RTL4: variants seen among roughly 807,000 people sequenced by gnomAD.
The protein encoded by RTL4 is retrotransposon Gag-like protein 4.
In RTL4, 4 loss-of-function variants were observed where a neutral mutation model predicts 5.3. The observed-to-expected ratio is 0.75, with a 90% confidence interval of 0.37 to 1.72. The LOEUF (loss-of-function observed/expected upper bound fraction) is 1.72, where lower values mean the gene tolerates loss of function less well. Among genes scored for constraint, RTL4 ranks in the 40% most tolerant of loss-of-function variants. The pLI, the probability that RTL4 is intolerant of heterozygous loss-of-function variation, is 0.04. For missense variants in RTL4, 260 were observed against 227.1 expected (o/e 1.14, Z -0.93); for synonymous variants, 98 against 87.3 (o/e 1.12, Z -0.68).
the RTL4 span, among the ~76,000 whole-genome samples, chrX:112,329,380 C>T: frequency 9.8e-5 from 11 of 111,693 alleles, no homozygotes; most frequent in East Asian, 2.2e-3. Context: ...ACTACAAATA[C>T]CTCTACGCAA....
chrX:112,407,804 G>A, the RTL4 span, among the ~76,000 whole-genome samples: 2 of 112,761 alleles, frequency 1.8e-5, no homozygotes, highest in Non-Finnish European at 3.7e-5. Context: ...AGCTCAGAAC[G>A]GACAGAGAGA....
the RTL4 span, among the ~76,000 whole-genome samples, chrX:112,272,082 T>C: frequency 1.8e-5 from 2 of 111,987 alleles, no homozygotes; most frequent in Admixed American, 1.9e-4. Context: ...TACAATACTG[T>C]ATTATTAACT....
chrX:112,312,179 G>T, the RTL4 span, among the ~76,000 whole-genome samples: 1 of 111,544 alleles, frequency 9.0e-6, no homozygotes, highest in Non-Finnish European at 1.9e-5. Flanking sequence ...GACAGATTTA[G>T]CTTTGAATTA....
the RTL4 span, among the ~76,000 whole-genome samples, chrX:112,314,063 T>C: frequency 9.0e-6 from 1 of 111,608 alleles, no homozygotes; most frequent in Non-Finnish European, 1.9e-5. Flanking sequence ...ATGCTCATCA[T>C]CATTGTATAG....
the RTL4 span, among the ~76,000 whole-genome samples, chrX:112,249,879 T>G: frequency 9.1e-6 from 1 of 109,518 alleles, no homozygotes; most frequent in African/African-American, 3.3e-5. Flanking sequence ...AAAACAGAGA[T>G]AAGTATTCTT....
chrX:112,253,986 C>G, the RTL4 span, among the ~76,000 whole-genome samples: 1 of 112,268 alleles, frequency 8.9e-6, no homozygotes, highest in East Asian at 2.8e-4. Flanking sequence ...TCCCCACTTA[C>G]CCTTGCTGTA....
chrX:112,360,527 A>G, the RTL4 span, among the ~76,000 whole-genome samples: 1 of 110,961 alleles, frequency 9.0e-6, no homozygotes, highest in Non-Finnish European at 1.9e-5. Flanking sequence ...CTTTCAGAAC[A>G]TAGCATATCT....
chrX:112,230,234 G>A, the RTL4 span, among the ~76,000 whole-genome samples: 12 of 112,397 alleles, frequency 1.1e-4, no homozygotes, highest in African/African-American at 3.6e-4. Context: ...AATGGTGGGC[G>A]CCCCTTCCGC....
the RTL4 span, among the ~76,000 whole-genome samples, chrX:112,298,819 C>A: frequency 8.9e-5 from 10 of 112,548 alleles, no homozygotes; most frequent in Non-Finnish European, 1.7e-4. Context: ...CACTCAGGTG[C>A]ATGTTACCAA....
At chrX:112,231,762 A>G in the RTL4 span, among the ~76,000 whole-genome samples, 1 of 111,395 alleles carries the variant, frequency 9.0e-6, no homozygotes, top group Admixed American at 9.6e-5. Flanking sequence ...TTGTGTTACC[A>G]ATTCATAAGC....
the RTL4 span, among the ~76,000 whole-genome samples, chrX:112,435,734 T>A: frequency 8.9e-5 from 10 of 112,281 alleles, no homozygotes; most frequent in Non-Finnish European, 1.7e-4. Flanking sequence ...TCTTGAGAAC[T>A]ATTGACAAAG....
At chrX:112,274,171 A>C in the RTL4 span, among the ~76,000 whole-genome samples, 3 of 111,935 alleles carry the variant, frequency 2.7e-5, no homozygotes, top group Admixed American at 2.8e-4. Context: ...TGCTCTATAT[A>C]GTAAGGCCTG....
the RTL4 span, among the ~76,000 whole-genome samples, chrX:112,160,882 T>A: frequency 1.8e-5 from 2 of 108,450 alleles, no homozygotes; most frequent in Non-Finnish European, 3.8e-5. Context: ...GAATGCCATG[T>A]TAAGGAATTT....
the RTL4 span, among the ~76,000 whole-genome samples, chrX:112,373,629 T>C: frequency 1.8e-5 from 2 of 110,050 alleles, no homozygotes; most frequent in African/African-American, 6.6e-5. Context: ...ACAAGTACAA[T>C]GGAATACATA....
the RTL4 span, among the ~76,000 whole-genome samples, chrX:112,292,309 G>GTGCTT: frequency 1.8e-5 from 2 of 111,630 alleles, no homozygotes; most frequent in Non-Finnish European, 1.9e-5. Flanking sequence ...ACCTTTAGTT[G>GTGCTT]TGCTTTGCTT....
At chrX:112,084,458 A>G in the RTL4 span, among the ~76,000 whole-genome samples, 1 of 110,197 alleles carries the variant, frequency 9.1e-6, no homozygotes, top group Admixed American at 9.6e-5. Context: ...CCTCTTAACA[A>G]CTTAAATACT....
chrX:112,138,824 A>G, the RTL4 span, among the ~76,000 whole-genome samples: 1 of 111,888 alleles, frequency 8.9e-6, no homozygotes, highest in Admixed American at 9.5e-5. Context: ...CACTTTGCCC[A>G]AGTTTTCCTA....
the RTL4 span, among the ~76,000 whole-genome samples, chrX:112,196,272 C>T: frequency 2.7e-5 from 3 of 110,880 alleles, no homozygotes; most frequent in African/African-American, 6.6e-5. Flanking sequence ...TTTCACTCGA[C>T]GTAATTTTCT....
At chrX:112,339,523 A>G in the RTL4 span, among the ~76,000 whole-genome samples, 41 of 112,217 alleles carry the variant, frequency 3.7e-4, no homozygotes, top group Admixed American at 1.0e-3. Context: ...CAAATGAGAA[A>G]GGATTAGAAA....
Sources: gnomAD v4.1 joint callset for allele counts (sites outside exome capture counted in the v4.1 genomes callset) on GRCh38, gnomAD v4.1.1 for gene constraint, MANE v1.5 for transcripts, NCBI Gene and HGNC (gene_info 2026-07-23, HGNC 2026-07-21) for gene names.